Variants in PHTF2 observed in about 807,000 individuals in gnomAD.
The protein encoded by PHTF2 is protein PHTF2.
In PHTF2, 60 loss-of-function variants were observed where a neutral mutation model predicts 101.2. The observed-to-expected ratio is 0.59, with a 90% CI of 0.48 to 0.73. PHTF2 has a LOEUF of 0.73. Ranked by LOEUF, PHTF2 falls within the 30% of genes least tolerant of loss-of-function variation. PHTF2 has a pLI of 0.00. For synonymous variants in PHTF2, 311 were observed against 307.3 expected, an observed-to-expected ratio of 1.01 and a Z score of -0.13; for missense variants, 747 against 908.7, an observed-to-expected ratio of 0.82 and a Z score of 2.29.
chr7:77,887,261 G>A (rs1368805490), intron 3 of PHTF2, among the ~76,000 whole-genome samples: 1 of 151,700 alleles, frequency 6.6e-6, no homozygotes, highest in East Asian at 1.9e-4. Flanking sequence ...TTTCCTGTTA[G>A]AACAGTCTTC....
chr7:77,930,169 G>A (rs1190504138), intron 12 of PHTF2, among the ~76,000 whole-genome samples: 1 of 151,914 alleles, frequency 6.6e-6, no homozygotes, highest in Non-Finnish European at 1.5e-5. Flanking sequence ...GGCCAGGCTG[G>A]TCTCGAACTC....
chr7:77,912,937 G>T (rs578054471), intron 9 of PHTF2, among the ~76,000 whole-genome samples: 2 of 151,620 alleles, frequency 1.3e-5, no homozygotes, highest in African/African-American at 4.8e-5. Flanking sequence ...TTATAAGTTG[G>T]AAAGGTACTG....
rs1216775778 is a variant in PHTF2 at position 77,907,784 on chromosome 7, A to G, written c.446-1009A>G. ...ATATGTCTCTTCAAAATAAGCACAT[A>G]TAACCACATTACAGTGATAACACTT... On this transcript the variant is annotated intron_variant, in intron 7 of 19. Coordinates refer to ENST00000416283, the Ensembl canonical transcript of PHTF2. The G allele has an allele frequency of 6.6e-5, 10 of 152,368 alleles. No individual in the cohort carries two copies. The South Asian group carries it at 1.9e-3, about 28-fold the overall frequency. The allele number at this position is 152,368 out of a possible 1,614,324, so 9.4% of individuals were successfully genotyped here. A position where few individuals can be genotyped will look rare whatever the true frequency, so the allele number is the denominator to read the frequency against.
At chr7:77,833,141 G>A (rs566286142) in intron 1 of PHTF2, among the ~76,000 whole-genome samples, 78 of 152,308 alleles carry the variant, frequency 5.1e-4, no homozygotes, top group Non-Finnish European at 6.3e-4. Flanking sequence ...ACACAGAACA[G>A]GATGAGAAAT....
chr7:77,823,716 T>C (rs1319338506), intron 1 of PHTF2, among the ~76,000 whole-genome samples: 1 of 151,892 alleles, frequency 6.6e-6, no homozygotes, highest in Non-Finnish European at 1.5e-5. Context: ...TGAACCTGTG[T>C]AGCTAGAATG....
intron 1 of PHTF2, among the ~76,000 whole-genome samples, chr7:77,831,103 A>G (rs75330800): frequency 0.054 from 8,276 of 152,342 alleles, 304 homozygotes; most frequent in South Asian, 0.17. Context: ...GGTGATTCAC[A>G]TTCTCTAGGC....
chr7:77,893,830 G>C (rs908295327), intron 4 of PHTF2, among the ~76,000 whole-genome samples, 152 bp from the exon 4 acceptor site: 2 of 152,062 alleles, frequency 1.3e-5, no homozygotes, highest in African/African-American at 4.8e-5. Flanking sequence ...GTTTACTCCT[G>C]ATGTTGGTTT....
In PHTF2 at chr7:77,851,456, C is replaced by T. The variant is rs189465985; in HGVS notation, c.46-3277C>T. 2.4e-3 allele frequency among the ~76,000 whole-genome samples: 361 copies of T among 151,912 alleles called. 2 individuals carry two copies. The highest frequency in any genetic ancestry group is 8.1e-3 in the African/African-American group (336 of 41,460). On this transcript the variant is annotated intron_variant, in intron 2 of 19. Coordinates refer to ENST00000416283, the Ensembl canonical transcript of PHTF2. ...TCTGTAGAGTCCATTATAATATGTC[C>T]GTTTTCATCTCTAATTATATTTATT...
At chr7:77,902,421 C>A (rs998229310) in intron 7 of PHTF2, among the ~76,000 whole-genome samples, 2 of 152,138 alleles carry the variant, frequency 1.3e-5, no homozygotes, top group Non-Finnish European at 2.9e-5. Flanking sequence ...TACTATGCTT[C>A]GCTTATAGAC....
chr7:77,949,137 T>C (rs1806323263), intron 16 of PHTF2, among the ~76,000 whole-genome samples: 1 of 152,148 alleles, frequency 6.6e-6, no homozygotes, highest in Non-Finnish European at 1.5e-5. Context: ...AATTTAGAGC[T>C]AAATCTATCA....
intron 2 of PHTF2, among the ~76,000 whole-genome samples, chr7:77,849,820 G>A (rs1259628733): frequency 6.6e-6 from 1 of 152,086 alleles, no homozygotes; most frequent in Admixed American, 6.5e-5. Context: ...TTCACTGTTG[G>A]CATATAGAAA....
chr7:77,947,562 CA>C (rs532668514), intron 16 of PHTF2, among the ~76,000 whole-genome samples: 3 of 150,390 alleles, frequency 2.0e-5, no homozygotes, highest in East Asian at 1.9e-4. Flanking sequence ...GACTCAGTCT[CA>C]AAAAAAATTA....
intron 13 of PHTF2, among the ~76,000 whole-genome samples, chr7:77,938,792 A>AAAAAT (rs563411377): frequency 3.9e-5 from 6 of 152,308 alleles, no homozygotes; most frequent in African/African-American, 7.2e-5. Flanking sequence ...ATAAATAAAT[A>AAAAAT]AAAATAAAAT....
chr7:77,930,146 C>A (rs1804433998), intron 12 of PHTF2, among the ~76,000 whole-genome samples: 2 of 151,618 alleles, frequency 1.3e-5, no homozygotes, highest in Non-Finnish European at 2.9e-5. Context: ...TAGAGACAGG[C>A]TTTCACCATG....
At chr7:77,845,652 C>T (rs1796217846) in intron 2 of PHTF2, among the ~76,000 whole-genome samples, 1 of 151,916 alleles carries the variant, frequency 6.6e-6, no homozygotes, top group South Asian at 2.1e-4. Context: ...GGCATGCACA[C>T]GTGTGTGTGT....
chr7:77,902,318 C>T (rs180963950), intron 7 of PHTF2, among the ~76,000 whole-genome samples: 2 of 152,266 alleles, frequency 1.3e-5, no homozygotes, highest in Admixed American at 1.3e-4. Context: ...TGTCCTTATA[C>T]TTTATCAAAA....
At chr7:77,941,073 G>A (rs1310791700) in intron 15 of PHTF2, among the ~76,000 whole-genome samples, 1 of 152,018 alleles carries the variant, frequency 6.6e-6, no homozygotes, top group Non-Finnish European at 1.5e-5. Flanking sequence ...ATTACTTCTT[G>A]TTATTGCATT....
chr7:77,926,004 C>T (rs1803963643), intron 11 of PHTF2, among the ~76,000 whole-genome samples: 2 of 151,466 alleles, frequency 1.3e-5, no homozygotes, highest in Admixed American at 1.3e-4. Context: ...TGCAGTGAGC[C>T]GAGATCACGC....
At chr7:77,901,161 GC>G (rs1801351104) in intron 6 of PHTF2, among the ~76,000 whole-genome samples, 1 of 152,166 alleles carries the variant, frequency 6.6e-6, no homozygotes, top group African/African-American at 2.4e-5. Flanking sequence ...CACCCTTATG[GC>G]CCGTATACCT....
Sources: allele counts gnomAD v4.1 joint callset (sites outside exome capture counted in the v4.1 genomes callset), GRCh38; gene constraint gnomAD v4.1.1; transcripts MANE v1.5; gene names NCBI Gene and HGNC (gene_info 2026-07-23, HGNC 2026-07-21).